The following NRP2 variants were observed in gnomAD, a reference collection of about 807,000 sequenced individuals.
The protein encoded by NRP2 is neuropilin 2, also known as neuropilin-2.
NRP2 carries 52 observed loss-of-function variants against 110.4 expected under a neutral mutation model. That is an observed-to-expected ratio of 0.47 (90% CI 0.38 to 0.59). The LOEUF (loss-of-function observed/expected upper bound fraction) is 0.59. Among genes scored for constraint, NRP2 ranks in the 20% least tolerant of loss-of-function variants. The pLI is 0.00. For missense variants in NRP2, 1,049 were observed against 1,203.0 expected (o/e 0.87, Z 1.89); for synonymous variants, 508 against 468.9 (o/e 1.08, Z -1.08).
At chr2:205,760,214 CTCT>C (rs1316573124) in intron 12 of NRP2, among the ~76,000 whole-genome samples, 2 of 152,166 alleles carry the variant, frequency 1.3e-5, no homozygotes, top group Non-Finnish European at 2.9e-5. Flanking sequence ...TTTCCCCCTG[CTCT>C]TCTTCTCCCT....
At chr2:205,780,232 T>C (rs746823027) in intron 15 of NRP2, among the ~76,000 whole-genome samples, 7 of 152,218 alleles carry the variant, frequency 4.6e-5, no homozygotes, top group Admixed American at 2.6e-4. Context: ...TTGTAGCATG[T>C]TCAGGGCTGA....
intron 7 of NRP2, among the ~76,000 whole-genome samples, chr2:205,729,422 G>A (rs934026477): frequency 1.3e-5 from 2 of 152,222 alleles, no homozygotes; most frequent in African/African-American, 4.8e-5. Flanking sequence ...CGTTGGGAAT[G>A]CCCAGCCTGA....
intron 14 of NRP2, 45 bp from the exon 15 acceptor site, chr2:205,766,738 T>C (rs1180078117): frequency 6.4e-7 from 1 of 1,560,724 alleles, no homozygotes. Flanking sequence ...CACCCAATTG[T>C]TTCTTGCCTT....
intron 15 of NRP2, chr2:205,776,912 G>A: frequency 8.4e-7 from 1 of 1,194,896 alleles, no homozygotes; most frequent in South Asian, 1.7e-5. Context: ...GAGACGTGAG[G>A]GGAAGCCTGG....
At chr2:205,699,362 G>A (rs2056504431) in intron 2 of NRP2, among the ~76,000 whole-genome samples, 1 of 152,232 alleles carries the variant, frequency 6.6e-6, no homozygotes, top group Non-Finnish European at 1.5e-5. Flanking sequence ...AATGTACAGA[G>A]AGAGCCTGGG....
chr2:205,793,213 G>C (rs185719186), intron 16 of NRP2, among the ~76,000 whole-genome samples: 3 of 152,144 alleles, frequency 2.0e-5, no homozygotes. Flanking sequence ...AGGCAGAGGC[G>C]CACTGGAATG....
At chr2:205,790,375 G>A (rs962396169) in intron 15 of NRP2, among the ~76,000 whole-genome samples, 1 of 152,112 alleles carries the variant, frequency 6.6e-6, no homozygotes, top group African/African-American at 2.4e-5. Context: ...GTGATCTATG[G>A]TATCCTAAGA....
intron 2 of NRP2, among the ~76,000 whole-genome samples, chr2:205,712,137 C>T (rs1252435551): frequency 6.6e-6 from 1 of 152,114 alleles, no homozygotes; most frequent in Non-Finnish European, 1.5e-5. Context: ...AAATGCTCAC[C>T]ATGCAGACTT....
At chr2:205,793,834 G>C (rs924011507) in intron 16 of NRP2, among the ~76,000 whole-genome samples, 14 of 152,134 alleles carry the variant, frequency 9.2e-5, no homozygotes, top group Admixed American at 7.9e-4. Context: ...GTCTGGGAGG[G>C]GGATACAGTT....
chr2:205,766,179 A>C (rs919068449), intron 14 of NRP2, among the ~76,000 whole-genome samples: 5 of 152,204 alleles, frequency 3.3e-5, no homozygotes, highest in African/African-American at 1.2e-4. Context: ...CTTGGTCAAA[A>C]GCACCTGAAC....
At chr2:205,738,830 C>A (rs914232806) in intron 7 of NRP2, among the ~76,000 whole-genome samples, 7 of 152,198 alleles carry the variant, frequency 4.6e-5, no homozygotes, top group Non-Finnish European at 8.8e-5. Context: ...GTGGACTTCG[C>A]ACCAGATCAA....
chr2:205,774,622 T>A (rs1423091248), intron 15 of NRP2, among the ~76,000 whole-genome samples: 1 of 152,202 alleles, frequency 6.6e-6, no homozygotes, highest in African/African-American at 2.4e-5. Context: ...GATTAAGAGC[T>A]AAGAAGTTGA....
chr2:205,792,734 A>G (rs1156535011), intron 16 of NRP2, among the ~76,000 whole-genome samples: 4 of 152,092 alleles, frequency 2.6e-5, no homozygotes, highest in South Asian at 2.1e-4. Flanking sequence ...CAAGATTCCA[A>G]TTTGGAGCTT....
intron 15 of NRP2, chr2:205,776,139 C>A: frequency 1.8e-6 from 2 of 1,125,348 alleles, no homozygotes; most frequent in Non-Finnish European, 2.7e-6. Context: ...CAGACCCTTC[C>A]CTGTATGTCC....
chr2:205,789,498 A>G (rs920262724), intron 15 of NRP2, among the ~76,000 whole-genome samples: 1 of 152,222 alleles, frequency 6.6e-6, no homozygotes, highest in African/African-American at 2.4e-5. Context: ...CATTGAAAAC[A>G]AAATTCTGAG....
At chr2:205,729,102 C>A (rs2105830450) in intron 7 of NRP2, among the ~76,000 whole-genome samples, 1 of 152,330 alleles carries the variant, frequency 6.6e-6, no homozygotes, top group East Asian at 1.9e-4. Flanking sequence ...CCTGTCACTG[C>A]CCCGAGGCAG....
intron 2 of NRP2, chr2:205,701,631 T>A (rs945264481): frequency 6.6e-6 from 1 of 151,780 alleles, no homozygotes; most frequent in African/African-American, 2.4e-5. Flanking sequence ...TGAAAGAACA[T>A]TTCTTAGGCT....
At position 205,796,560 on chromosome 2, in the gene NRP2, A is replaced by G. The variant is rs1415556156; in HGVS notation, c.*1502A>G. The G allele has an allele frequency of 6.6e-6, 1 of 152,554 alleles. No individual in the cohort carries two copies. The highest frequency in any genetic ancestry group is 1.5e-5 in the Non-Finnish European group (1 of 68,026). The allele number at this position is 152,554 out of a possible 1,614,324, so 9.5% of individuals were successfully genotyped here. On this transcript the variant is annotated 3_prime_UTR_variant, in exon 17 of 17. Transcript: ENST00000357785. ...TAGTGAATATCTTATGAATTAAGGC[A>G]TTCCTCTTTCCCTAACCCCGATGGC... is the stretch of plus-strand genomic sequence containing the variant.
intron 15 of NRP2, among the ~76,000 whole-genome samples, chr2:205,773,060 A>G (rs2058046238): frequency 6.6e-6 from 1 of 152,126 alleles, no homozygotes; most frequent in South Asian, 2.1e-4. Flanking sequence ...TGGATTGCTG[A>G]TGTTGTCTGG....
Sources: allele counts gnomAD v4.1 joint callset (sites outside exome capture counted in the v4.1 genomes callset), GRCh38; gene constraint gnomAD v4.1.1; transcripts MANE v1.5; gene names NCBI Gene and HGNC (gene_info 2026-07-23, HGNC 2026-07-21).